Variants in MARK1 observed in about 807,000 individuals in gnomAD.
MARK1 encodes the protein serine/threonine-protein kinase MARK1.
MARK1 carries 40 observed loss-of-function variants against 96.3 expected under a neutral mutation model. That is an observed-to-expected ratio of 0.42 (90% CI 0.32 to 0.54). The LOEUF (loss-of-function observed/expected upper bound fraction) is 0.54, where lower values mean the gene tolerates loss of function less well. MARK1 is among the 20% of genes least tolerant of loss of function. The pLI is 0.16. For synonymous variants in MARK1, 317 were observed against 341.2 expected, an observed-to-expected ratio of 0.93 and a Z score of 0.78; for missense variants, 719 against 984.6, an observed-to-expected ratio of 0.73 and a Z score of 3.61.
intron 3 of MARK1, among the ~76,000 whole-genome samples, chr1:220,587,620 T>C (rs997639442): frequency 6.6e-6 from 1 of 152,168 alleles, no homozygotes; most frequent in South Asian, 2.1e-4. Context: ...TCCACCTGCC[T>C]CAGCCTCCCA....
intron 16 of MARK1, 80 bp downstream of exon 16, chr1:220,653,432 A>G (rs1364822647): frequency 7.1e-7 from 1 of 1,408,452 alleles, no homozygotes; most frequent in Non-Finnish European, 9.5e-7. Flanking sequence ...AATCTTTATA[A>G]TAATTTTCTA....
intron 2 of MARK1, among the ~76,000 whole-genome samples, 183 bp downstream of exon 2, chr1:220,579,740 T>A (rs557736783): frequency 2.6e-4 from 39 of 152,356 alleles, no homozygotes. Context: ...TTTTAATATT[T>A]AGAAAAGAAT....
At chr1:220,615,453 C>A (rs936406218) in intron 6 of MARK1, among the ~76,000 whole-genome samples, 7 of 152,118 alleles carry the variant, frequency 4.6e-5, no homozygotes, top group Admixed American at 1.3e-4. Context: ...TTGCTAAATA[C>A]CTCATTGTTA....
chr1:220,632,296 G>A lies in MARK1; in HGVS notation c.1105G>A (p.Gly369Ser), dbSNP rs1459864639. The A allele has an allele frequency of 2.6e-6, 4 of 1,517,230 alleles. No homozygotes were observed. Among genetic ancestry groups the A allele is most frequent in the Non-Finnish European group, 3.5e-6 (4 of 1,127,672 alleles). 94.0% of individuals were successfully genotyped at this position (1,517,230 alleles called of 1,614,324 possible). The change falls in exon 11 of 18, where the codon GGT (glycine) becomes AGT (serine). Residue 369 changes from glycine to serine, a missense_variant. By Grantham distance (56) the Gly-to-Ser change is moderately conservative. Coordinates refer to ENST00000366917, the MANE Select transcript of MARK1 (RefSeq NM_018650.5). ...DEVMATYILL[G>S]RKPPEFEGGE... ...AGTTATGGCTACTTATATTCTTCTA[G>A]GTAGAAAACCACCTGAAGTAAGTTT...
chr1:220,557,650 A>G (rs771901660), intron 1 of MARK1, among the ~76,000 whole-genome samples: 1 of 152,216 alleles, frequency 6.6e-6, no homozygotes, highest in Non-Finnish European at 1.5e-5. Flanking sequence ...CAAAAAAAAT[A>G]TAGTTCAGGG....
At chr1:220,592,680 A>T (rs1665079531) in intron 3 of MARK1, among the ~76,000 whole-genome samples, 1 of 152,242 alleles carries the variant, frequency 6.6e-6, no homozygotes, top group African/African-American at 2.4e-5. Flanking sequence ...AAATTAATAT[A>T]TAAACTATTT....
chr1:220,615,876 GATT>G (rs1030225305), intron 6 of MARK1, 60 bp from the exon 7 acceptor site: 1 of 816,478 alleles, frequency 1.2e-6, no homozygotes, highest in African/African-American at 1.7e-5. Flanking sequence ...AATTGGAGGT[GATT>G]ATTGGGGAAA....
intron 3 of MARK1, among the ~76,000 whole-genome samples, chr1:220,595,795 G>T (rs1336353008): frequency 6.6e-6 from 1 of 152,192 alleles, no homozygotes; most frequent in African/African-American, 2.4e-5. Flanking sequence ...ACCAAGACCA[G>T]TGAGATTCAG....
At chr1:220,598,701 AAT>A (rs1325660187) in intron 4 of MARK1, among the ~76,000 whole-genome samples, 1 of 152,036 alleles carries the variant, frequency 6.6e-6, no homozygotes, top group East Asian at 1.9e-4. Context: ...TTTAAAAAAA[AAT>A]GTCTTTCTGG....
At chr1:220,636,917 A>G (rs1262797953) in intron 13 of MARK1, among the ~76,000 whole-genome samples, 1 of 151,696 alleles carries the variant, frequency 6.6e-6, no homozygotes, top group Non-Finnish European at 1.5e-5. Flanking sequence ...AAAAAAAAAA[A>G]GGAACAAGAT....
intron 6 of MARK1, among the ~76,000 whole-genome samples, chr1:220,606,224 C>A (rs186708498): frequency 6.6e-6 from 1 of 152,086 alleles, no homozygotes; most frequent in Non-Finnish European, 1.5e-5. Flanking sequence ...TTCTAACTGG[C>A]GTGAGATGGT....
At chr1:220,535,867 A>G (rs990785892) in intron 1 of MARK1, among the ~76,000 whole-genome samples, 2 of 152,116 alleles carry the variant, frequency 1.3e-5, no homozygotes, top group African/African-American at 4.8e-5. Context: ...TTCTTAGTGT[A>G]TATCTCTGTC....
chr1:220,633,201 C>T (rs1667762887), intron 11 of MARK1, among the ~76,000 whole-genome samples: 1 of 152,108 alleles, frequency 6.6e-6, no homozygotes, highest in Non-Finnish European at 1.5e-5. Context: ...CCCTCTAGGC[C>T]CACTCCAACA....
At chr1:220,611,358 C>T (rs182711337) in intron 6 of MARK1, among the ~76,000 whole-genome samples, 34 of 152,332 alleles carry the variant, frequency 2.2e-4, no homozygotes, top group Non-Finnish European at 3.1e-4. Context: ...AGCAAGGCTC[C>T]GTGGGCGTAG....
chr1:220,636,362 ATAAT>A (rs1667965639), intron 13 of MARK1, among the ~76,000 whole-genome samples: 1 of 152,196 alleles, frequency 6.6e-6, no homozygotes, highest in Admixed American at 6.5e-5. Flanking sequence ...ACTCAGTTAA[ATAAT>A]TAATTTATAA....
At chr1:220,655,234 G>A (rs766367680) in intron 16 of MARK1, among the ~76,000 whole-genome samples, 15 of 151,918 alleles carry the variant, frequency 9.9e-5, no homozygotes, top group Non-Finnish European at 2.1e-4. Flanking sequence ...TCAGTCTTTG[G>A]ACACATTTTT....
chr1:220,625,671 A>G, intron 9 of MARK1: 1 of 317,968 alleles, frequency 3.1e-6, no homozygotes, highest in South Asian at 3.0e-5. Flanking sequence ...AGTACTCTTC[A>G]CTTACCATTC....
At chr1:220,595,043 C>A (rs991854477) in intron 3 of MARK1, among the ~76,000 whole-genome samples, 1 of 152,124 alleles carries the variant, frequency 6.6e-6, no homozygotes, top group South Asian at 2.1e-4. Flanking sequence ...TCGATTATAA[C>A]AAATGTACCT....
intron 17 of MARK1, 87 bp from the exon 18 acceptor site, chr1:220,661,725 A>G (rs1669493040): frequency 3.0e-6 from 3 of 999,988 alleles, no homozygotes; most frequent in Non-Finnish European, 2.9e-6. Context: ...GCACTGAACT[A>G]TGACCACTTA....
Sources: allele counts gnomAD v4.1 joint callset (sites outside exome capture counted in the v4.1 genomes callset), GRCh38; gene constraint gnomAD v4.1.1; transcripts MANE v1.5; gene names NCBI Gene and HGNC (gene_info 2026-07-23, HGNC 2026-07-21).